ZDHHC14: variants seen among roughly 807,000 people sequenced by gnomAD.
The protein encoded by ZDHHC14 is palmitoyltransferase ZDHHC14.
In ZDHHC14, 16 loss-of-function variants were observed where a neutral mutation model predicts 47.7. The ratio of observed to expected loss-of-function variants is 0.34; its 90% confidence interval spans 0.23 to 0.51. ZDHHC14 has a LOEUF of 0.51. ZDHHC14 is among the 20% of genes least tolerant of loss of function. The pLI is 0.97. For missense variants in ZDHHC14, 515 were observed against 662.5 expected (o/e 0.78, Z 2.44); for synonymous variants, 293 against 278.9 (o/e 1.05, Z -0.50).
intron 1 of ZDHHC14, among the ~76,000 whole-genome samples, chr6:157,460,405 GAAAAAA>G (rs1164382844): frequency 0.03 from 1,287 of 43,304 alleles, 15 homozygotes; most frequent in Non-Finnish European, 0.037. Context: ...TCTCTCTCTG[GAAAAAA>G]AAAAAAAAAA....
At chr6:157,445,674 C>T (rs548414490) in intron 1 of ZDHHC14, among the ~76,000 whole-genome samples, 6 of 152,212 alleles carry the variant, frequency 3.9e-5, no homozygotes, top group Admixed American at 3.9e-4. Flanking sequence ...GAAACATCTC[C>T]TTTCCGCTTT....
At chr6:157,482,673 T>G (rs1779662369) in intron 1 of ZDHHC14, among the ~76,000 whole-genome samples, 1 of 152,190 alleles carries the variant, frequency 6.6e-6, no homozygotes, top group Admixed American at 6.5e-5. Flanking sequence ...ATTGTTGCTC[T>G]CAGTGTGAAC....
intron 8 of ZDHHC14, among the ~76,000 whole-genome samples, chr6:157,664,751 C>T (rs994378675): frequency 6.6e-6 from 1 of 152,210 alleles, no homozygotes; most frequent in African/African-American, 2.4e-5. Context: ...CTACTTTTCT[C>T]AACCTCGAGT....
intron 3 of ZDHHC14, among the ~76,000 whole-genome samples, chr6:157,622,285 G>A (rs976909207): frequency 4.6e-5 from 7 of 151,878 alleles, no homozygotes; most frequent in African/African-American, 1.5e-4. Flanking sequence ...AGCCACTCGG[G>A]AGGCTGAGGC....
intron 1 of ZDHHC14, among the ~76,000 whole-genome samples, chr6:157,425,377 T>TTAGCTGTATATAGATATGA (rs1778194683): frequency 6.6e-6 from 1 of 152,244 alleles, no homozygotes. Context: ...TTGGGGGTTT[T>TTAGCTGTATATAGATATGA]TAGCTGTATA....
intron 7 of ZDHHC14, among the ~76,000 whole-genome samples, chr6:157,649,026 A>G (rs561163906): frequency 2.0e-4 from 30 of 152,302 alleles, no homozygotes; most frequent in African/African-American, 6.7e-4. Context: ...ACAAACTGTC[A>G]CAACCAAAAT....
chr6:157,467,207 C>A (rs2114821337), intron 1 of ZDHHC14, among the ~76,000 whole-genome samples: 1 of 152,286 alleles, frequency 6.6e-6, no homozygotes. Context: ...TTAAGGTACA[C>A]AATTCAGTGG....
intron 6 of ZDHHC14, among the ~76,000 whole-genome samples, chr6:157,646,550 T>C (rs111840616): frequency 0.024 from 3,633 of 149,718 alleles, 115 homozygotes; most frequent in African/African-American, 0.075. Flanking sequence ...GAGGCAGAGG[T>C]TGCAGTGAGC....
In ZDHHC14 at chr6:157,560,765, C is replaced by T. The variant is rs147763927; in HGVS notation, c.406+18020C>T. Among the ~76,000 whole-genome samples, 239 of 152,326 alleles carry T rather than the reference C, an allele frequency of 1.6e-3. 1 individual carries two copies. The highest frequency in any genetic ancestry group is 5.7e-3 in the African/African-American group (237 of 41,572). On this transcript the variant is annotated intron_variant, in intron 2 of 8. Coordinates refer to ENST00000359775, the MANE Select transcript of ZDHHC14 (RefSeq NM_024630.3). ...ACTCATTGCCTTGGCCTTGGCAAAT[C>T]ACGAATTCTCTCTAGGGGCTTTGTG...
intron 1 of ZDHHC14, among the ~76,000 whole-genome samples, chr6:157,525,646 G>A (rs1781128307): frequency 2.0e-5 from 3 of 152,186 alleles, no homozygotes; most frequent in South Asian, 4.1e-4. Flanking sequence ...CAGGCAAGGC[G>A]AGTGTGAAAA....
chr6:157,599,884 T>C lies in ZDHHC14; in HGVS notation c.565+6738T>C, dbSNP rs979443340. ...AACAAATATAGGTGAGATGGTTTTC[T>C]ATAATTATTGAGAAATATATTATTT... is the stretch of plus-strand genomic sequence containing the variant. On this transcript the variant is annotated intron_variant, in intron 3 of 8. Transcript: ENST00000359775. Among the ~76,000 whole-genome samples the C allele has an allele frequency of 1.3e-5, 2 of 152,222 alleles. 1 individual carries two copies. Among genetic ancestry groups the C allele is most frequent in the Admixed American group, 1.3e-4 (2 of 15,288 alleles).
intron 3 of ZDHHC14, among the ~76,000 whole-genome samples, chr6:157,608,231 A>G (rs1318723256): frequency 1.3e-5 from 2 of 152,192 alleles, no homozygotes; most frequent in Admixed American, 1.3e-4. Flanking sequence ...GAAGCACGTC[A>G]TTCATTCACC....
At position 157,672,993 on chromosome 6, in the gene ZDHHC14, GC is replaced by G; in HGVS notation, c.1344del (p.Arg449GlyfsTer35). ...TCCTGACGCCCGATGAGGCGCCCTC[GC>G]CCCCCAGGCTACTGGCGGCGGGCAG... is the stretch of plus-strand genomic sequence containing the variant. ...QFLTPDEAPSPPRLLAAGSPL... is the reference protein window; with the variant it reads ...QFLTPDEAPSXPRLLAAGSPL... On this transcript the variant is annotated frameshift_variant, in exon 9 of 9. Transcript: ENST00000359775. LOFTEE classifies it high-confidence loss of function. The G allele has an allele frequency of 1.3e-6, 2 of 1,586,944 alleles. No homozygotes were observed.
intron 1 of ZDHHC14, among the ~76,000 whole-genome samples, chr6:157,453,051 C>T (rs1274883289): frequency 6.6e-6 from 1 of 152,008 alleles, no homozygotes; most frequent in Non-Finnish European, 1.5e-5. Context: ...TTTCCCCACC[C>T]TTCCCCTCTA....
intron 1 of ZDHHC14, among the ~76,000 whole-genome samples, chr6:157,479,641 A>C (rs1779574676): frequency 6.6e-6 from 1 of 152,242 alleles, no homozygotes; most frequent in Non-Finnish European, 1.5e-5. Flanking sequence ...TACTTCTCAA[A>C]GGTGTAAACA....
rs1779820170 is a variant in ZDHHC14 at position 157,487,823 on chromosome 6, GTGT to G, written c.246-54757_246-54755del. Among the ~76,000 whole-genome samples the G allele has an allele frequency of 2.0e-5, 3 of 152,200 alleles. No individual in the cohort carries two copies. In the South Asian group the frequency reaches 6.2e-4, roughly 32 times the overall value. ...GGCAGCCTCATGACTGGCAGCCAAG[GTGT>G]TGTTTTCCTGCTGTGCCCTCTCCCA... On this transcript the variant is annotated intron_variant, in intron 1 of 8. Coordinates refer to ENST00000359775, the MANE Select transcript of ZDHHC14 (RefSeq NM_024630.3).
chr6:157,537,883 T>C (rs1221089002), intron 1 of ZDHHC14, among the ~76,000 whole-genome samples: 2 of 152,192 alleles, frequency 1.3e-5, no homozygotes, highest in African/African-American at 4.8e-5. Flanking sequence ...AGTCTGTGGG[T>C]CAACTGGGAT....
chr6:157,468,500 T>C (rs1341354130), intron 1 of ZDHHC14, among the ~76,000 whole-genome samples: 1 of 152,236 alleles, frequency 6.6e-6, no homozygotes, highest in Non-Finnish European at 1.5e-5. Context: ...TCTCAAGGAT[T>C]GCAAACATGT....
chr6:157,506,005 G>A (rs954541681), intron 1 of ZDHHC14, among the ~76,000 whole-genome samples: 8 of 151,896 alleles, frequency 5.3e-5, no homozygotes, highest in Non-Finnish European at 1.2e-4. Context: ...TAGCACCTGT[G>A]CTTGGTAACT....
Sources: allele counts gnomAD v4.1 joint callset (sites outside exome capture counted in the v4.1 genomes callset), GRCh38; gene constraint gnomAD v4.1.1; transcripts MANE v1.5; gene names NCBI Gene and HGNC (gene_info 2026-07-23, HGNC 2026-07-21).